The following TRPS1 variants were observed in gnomAD, a reference collection of about 807,000 sequenced individuals.
The protein encoded by TRPS1 is transcriptional repressor GATA binding 1.
TRPS1 carries 6 observed loss-of-function variants against 101.2 expected under a neutral mutation model. That is an observed-to-expected ratio of 0.06 (90% CI 0.03 to 0.12). The LOEUF (loss-of-function observed/expected upper bound fraction) is 0.12. Ranked by LOEUF, TRPS1 falls within the 10% of genes least tolerant of loss-of-function variation. The pLI, the probability that TRPS1 is intolerant of heterozygous loss-of-function variation, is 1.00. For synonymous variants in TRPS1, 578 were observed against 589.8 expected, an observed-to-expected ratio of 0.98 and a Z score of 0.29; for missense variants, 1,363 against 1,567.0, an observed-to-expected ratio of 0.87 and a Z score of 2.20.
chr8:115,453,331 T>C (rs1025430096), intron 5 of TRPS1, among the ~76,000 whole-genome samples: 4 of 152,182 alleles, frequency 2.6e-5, no homozygotes, highest in African/African-American at 9.7e-5. Flanking sequence ...TCTCCAATAT[T>C]TTTAAACCTA....
chr8:115,668,048 C>G, intron 1 of TRPS1: 11 of 596,456 alleles, frequency 1.8e-5, no homozygotes, highest in East Asian at 3.4e-5. Context: ...AGTGGGGCTG[C>G]GAGGGGGAGG....
intron 1 of TRPS1, among the ~76,000 whole-genome samples, chr8:115,640,545 C>T (rs565257855): frequency 6.6e-5 from 10 of 152,210 alleles, no homozygotes; most frequent in Non-Finnish European, 1.3e-4. Flanking sequence ...TTCGTGTTCA[C>T]AGGAATAAGC....
intron 5 of TRPS1, among the ~76,000 whole-genome samples, chr8:115,539,462 A>G (rs1293680455): frequency 3.3e-5 from 5 of 152,198 alleles, no homozygotes. Flanking sequence ...GAACGAAATG[A>G]AAATTATGTA....
rs1368965914 is a variant in TRPS1, at chr8:115,411,143, T to C, written c.*2880A>G. On this transcript the variant is annotated 3_prime_UTR_variant, in exon 7 of 7. Transcript: ENST00000395715. The stretch of plus-strand genomic sequence containing the variant: ...CAAAAAATGAAAATAAAATTATCAA[T>C]AATAAAGAAGTATGGAATAAGATCT... The C allele has an allele frequency of 6.6e-6, 1 of 152,164 alleles. No homozygotes were observed. The highest frequency in any genetic ancestry group is 1.9e-4 in the East Asian group (1 of 5,168). 9.4% of individuals were successfully genotyped at this position (152,164 alleles called of 1,614,324 possible).
At chr8:115,432,933 A>G (rs1488972207) in intron 5 of TRPS1, among the ~76,000 whole-genome samples, 5 of 151,732 alleles carry the variant, frequency 3.3e-5, no homozygotes, top group African/African-American at 1.2e-4. Context: ...TGAATTTACT[A>G]ACGCATGTGT....
intron 5 of TRPS1, among the ~76,000 whole-genome samples, chr8:115,548,068 T>TA (rs201746340): frequency 0.026 from 3,369 of 129,818 alleles, 55 homozygotes; most frequent in African/African-American, 0.056. Context: ...CATCTCTACA[T>TA]AAAAAAAAAA....
intron 1 of TRPS1, among the ~76,000 whole-genome samples, chr8:115,654,734 C>G (rs1166079649): frequency 1.3e-5 from 2 of 152,134 alleles, no homozygotes; most frequent in East Asian, 3.8e-4. Flanking sequence ...TCCAACATTA[C>G]TATTGCTAAG....
intron 5 of TRPS1, among the ~76,000 whole-genome samples, chr8:115,426,023 T>C (rs376578492): frequency 1.7e-4 from 26 of 152,330 alleles, no homozygotes; most frequent in African/African-American, 5.8e-4. Context: ...TTTTTTTTCA[T>C]TCCACGTGAA....
chr8:115,429,301 T>C (rs1321758447), intron 5 of TRPS1, among the ~76,000 whole-genome samples: 1 of 152,188 alleles, frequency 6.6e-6, no homozygotes, highest in African/African-American at 2.4e-5. Flanking sequence ...GTTTTTGCTT[T>C]TGCACGTCCA....
rs933750774 is a variant in TRPS1, at chr8:115,605,077, G to A, written c.967-75C>T. ...TGGGCCCTCTGCAGGGGAGGGGGAGGGTACTGCCAAGTATTCCACATCAAA... is the reference window on the plus strand; with the variant it reads ...TGGGCCCTCTGCAGGGGAGGGGGAGAGTACTGCCAAGTATTCCACATCAAA... On this transcript the variant is annotated intron_variant, in intron 3 of 6. Coordinates refer to ENST00000395715, the MANE Select transcript of TRPS1 (RefSeq NM_014112.5). 123 of 1,404,648 alleles carry A rather than the reference G, an allele frequency of 8.8e-5. No individual in the cohort carries two copies. The Admixed American group carries it at 2.0e-3, about 23-fold the overall frequency. The allele number at this position is 1,404,648 out of a possible 1,614,324, so 87.0% of individuals were successfully genotyped here.
chr8:115,506,631 A>G (rs1391740256), intron 5 of TRPS1, among the ~76,000 whole-genome samples: 2 of 152,162 alleles, frequency 1.3e-5, no homozygotes, highest in Non-Finnish European at 2.9e-5. Context: ...TACTAGTTAA[A>G]TTCAAAGTAA....
chr8:115,612,791 G>A (rs139670568), intron 3 of TRPS1, among the ~76,000 whole-genome samples: 60 of 152,270 alleles, frequency 3.9e-4, no homozygotes, highest in Middle Eastern at 6.8e-3. Context: ...CCCGTCTATT[G>A]CTTTCTGAAT....
intron 5 of TRPS1, among the ~76,000 whole-genome samples, chr8:115,433,892 T>C (rs1813384276): frequency 6.6e-6 from 1 of 152,186 alleles, no homozygotes; most frequent in Non-Finnish European, 1.5e-5. Context: ...GTCTCTGGGA[T>C]AATTGTTACC....
intron 4 of TRPS1, among the ~76,000 whole-genome samples, chr8:115,598,371 G>C (rs752529451): frequency 1.3e-5 from 2 of 152,146 alleles, no homozygotes; most frequent in Admixed American, 6.6e-5. Flanking sequence ...CCAGTGGCAT[G>C]ATCATGGCTT....
chr8:115,430,091 C>T (rs758065381), intron 5 of TRPS1, among the ~76,000 whole-genome samples: 10 of 152,100 alleles, frequency 6.6e-5, no homozygotes, highest in Non-Finnish European at 1.2e-4. Flanking sequence ...TTCACATTTA[C>T]AAATTTACCC....
intron 1 of TRPS1, among the ~76,000 whole-genome samples, chr8:115,662,425 T>G (rs2130631647): frequency 6.6e-6 from 1 of 151,930 alleles, no homozygotes; most frequent in African/African-American, 2.4e-5. Context: ...TCAGGAACAA[T>G]TCACAAAAGA....
chr8:115,421,823 C>A (rs949321990), intron 5 of TRPS1, among the ~76,000 whole-genome samples: 1 of 152,096 alleles, frequency 6.6e-6, no homozygotes, highest in Non-Finnish European at 1.5e-5. Context: ...ACACTGTGTA[C>A]AATGTAACCT....
At chr8:115,451,920 C>T (rs1400529994) in intron 5 of TRPS1, among the ~76,000 whole-genome samples, 1 of 152,154 alleles carries the variant, frequency 6.6e-6, no homozygotes, top group African/African-American at 2.4e-5. Context: ...GTAAGCTGTC[C>T]AGCTTCTGAA....
intron 5 of TRPS1, among the ~76,000 whole-genome samples, chr8:115,481,371 G>A (rs192344961): frequency 6.6e-6 from 1 of 152,008 alleles, no homozygotes; most frequent in East Asian, 1.9e-4. Context: ...TTGGCTTATA[G>A]ATCCCTCACT....
Sources: gnomAD v4.1 joint callset for allele counts (sites outside exome capture counted in the v4.1 genomes callset) on GRCh38, gnomAD v4.1.1 for gene constraint, MANE v1.5 for transcripts, NCBI Gene and HGNC (gene_info 2026-07-23, HGNC 2026-07-21) for gene names.